Variants in RFX3 observed in about 807,000 individuals in gnomAD.
RFX3 encodes regulatory factor X3.
A neutral mutation model predicts 98.6 loss-of-function variants in RFX3; 14 were observed. The ratio of observed to expected loss-of-function variants is 0.14; its 90% CI spans 0.09 to 0.22. RFX3 has a LOEUF of 0.22. Ranked by LOEUF, RFX3 falls within the 10% of genes least tolerant of loss-of-function variation. RFX3 has a pLI of 1.00. For synonymous variants in RFX3, 383 were observed against 328.4 expected, an observed-to-expected ratio of 1.17 and a Z score of -1.80; for missense variants, 639 against 926.9, an observed-to-expected ratio of 0.69 and a Z score of 4.03.
chr9:3,397,166 TTACTC>T (rs1344936235), intron 1 of RFX3, among the ~76,000 whole-genome samples: 1 of 152,184 alleles, frequency 6.6e-6, no homozygotes, highest in Non-Finnish European at 1.5e-5. Context: ...CTGCCATTGT[TTACTC>T]TAACAGGTAT....
intron 2 of RFX3, among the ~76,000 whole-genome samples, chr9:3,375,784 C>T (rs1838401261): frequency 6.6e-6 from 1 of 152,004 alleles, no homozygotes; most frequent in South Asian, 2.1e-4. Flanking sequence ...CACGGTGAAA[C>T]CCCGCCTCTA....
intron 2 of RFX3, among the ~76,000 whole-genome samples, chr9:3,392,961 A>T (rs1344312528): frequency 6.7e-6 from 1 of 149,360 alleles, no homozygotes; most frequent in African/African-American, 2.5e-5. Context: ...TTAAAATATA[A>T]CTTATAGGTT....
chr9:3,253,342 T>C (rs905658708), intron 14 of RFX3, among the ~76,000 whole-genome samples: 1 of 152,204 alleles, frequency 6.6e-6, no homozygotes, highest in Non-Finnish European at 1.5e-5. Flanking sequence ...TTTTGGAAGA[T>C]TCATATATTG....
intron 1 of RFX3, among the ~76,000 whole-genome samples, chr9:3,435,832 C>T (rs1229366414): frequency 8.0e-6 from 1 of 124,962 alleles, no homozygotes; most frequent in South Asian, 2.5e-4. Flanking sequence ...AAAAGGATAA[C>T]ACTGCCTTTT....
chr9:3,291,698 T>C (rs1276660414), intron 6 of RFX3, among the ~76,000 whole-genome samples: 1 of 152,188 alleles, frequency 6.6e-6, no homozygotes, highest in East Asian at 1.9e-4. Context: ...CTTGTGGTGG[T>C]GAGAAAAAGA....
At chr9:3,230,571 C>T (rs958390342) in intron 15 of RFX3, among the ~76,000 whole-genome samples, 17 of 152,128 alleles carry the variant, frequency 1.1e-4, no homozygotes, top group African/African-American at 4.1e-4. Flanking sequence ...AACAAAAACC[C>T]AGAGGGATTC....
intron 16 of RFX3, among the ~76,000 whole-genome samples, chr9:3,227,051 T>A (rs1432905277): frequency 2.0e-5 from 3 of 152,082 alleles, no homozygotes; most frequent in Admixed American, 6.6e-5. Flanking sequence ...TCAAGAGCCA[T>A]CAAGAGGTCT....
At chr9:3,342,569 A>G (rs1357278554) in intron 3 of RFX3, among the ~76,000 whole-genome samples, 2 of 152,190 alleles carry the variant, frequency 1.3e-5, no homozygotes, top group African/African-American at 2.4e-5. Flanking sequence ...ACCATAATAC[A>G]GCATGATGTC....
intron 1 of RFX3, among the ~76,000 whole-genome samples, chr9:3,410,084 T>C (rs1297312573): frequency 1.3e-5 from 2 of 151,872 alleles, no homozygotes; most frequent in Non-Finnish European, 2.9e-5. Flanking sequence ...GAGCTTCTCT[T>C]AGACGTTTCC....
chr9:3,277,066 C>T (rs990347515), intron 8 of RFX3, among the ~76,000 whole-genome samples: 2 of 151,858 alleles, frequency 1.3e-5, no homozygotes, highest in Non-Finnish European at 2.9e-5. Flanking sequence ...TCACAAAAGC[C>T]GAATAATACA....
At chr9:3,289,820 T>C (rs1827107208) in intron 6 of RFX3, among the ~76,000 whole-genome samples, 1 of 152,134 alleles carries the variant, frequency 6.6e-6, no homozygotes, top group Non-Finnish European at 1.5e-5. Flanking sequence ...AGTGATTTGA[T>C]TTACTTTTTG....
chr9:3,348,318 C>G (rs1285630542), intron 2 of RFX3, among the ~76,000 whole-genome samples: 1 of 152,064 alleles, frequency 6.6e-6, no homozygotes, highest in Non-Finnish European at 1.5e-5. Context: ...TATCAGTTGA[C>G]ATATAACAAC....
chr9:3,363,804 A>G (rs1836745351), intron 2 of RFX3, among the ~76,000 whole-genome samples: 1 of 152,218 alleles, frequency 6.6e-6, no homozygotes, highest in South Asian at 2.1e-4. Context: ...GTGTTTCCCC[A>G]AATATGGGAA....
At chr9:3,482,351 G>A (rs1201806490) in intron 1 of RFX3, among the ~76,000 whole-genome samples, 4 of 151,986 alleles carry the variant, frequency 2.6e-5, no homozygotes, top group African/African-American at 7.2e-5. Flanking sequence ...ATGCACTCAC[G>A]GAGAAATCCC....
intron 6 of RFX3, among the ~76,000 whole-genome samples, chr9:3,292,095 A>AAAAAAAAAAAAC (rs1827454662): frequency 7.1e-6 from 1 of 141,008 alleles, no homozygotes; most frequent in African/African-American, 2.6e-5. Context: ...AAAAAAAAAA[A>AAAAAAAAAAAAC]AAAAACTCTT....
chr9:3,423,590 TAG>T (rs1164711533), intron 1 of RFX3, among the ~76,000 whole-genome samples: 3 of 151,882 alleles, frequency 2.0e-5, no homozygotes, highest in African/African-American at 4.8e-5. Context: ...AAATCTCATC[TAG>T]AGAGACAGAA....
At chr9:3,525,530 A>C (rs1173156614) in intron 1 of RFX3, among the ~76,000 whole-genome samples, 1 of 151,362 alleles carries the variant, frequency 6.6e-6, no homozygotes, top group African/African-American at 2.4e-5. Flanking sequence ...CGGCGCCCAC[A>C]CCCCCGACCC....
intron 1 of RFX3, chr9:3,421,029 A>AC (rs894533067): frequency 3.5e-6 from 2 of 577,352 alleles, no homozygotes; most frequent in African/African-American, 4.1e-5. Context: ...CAAAAAAAAA[A>AC]AAAAAAACAA....
chr9:3,276,276 G>A (rs991278959), intron 8 of RFX3, among the ~76,000 whole-genome samples: 1 of 152,056 alleles, frequency 6.6e-6, no homozygotes, highest in African/African-American at 2.4e-5. Context: ...CCTTCACACA[G>A]AATACAGGGA....
Sources: gnomAD v4.1 joint callset for allele counts (sites outside exome capture counted in the v4.1 genomes callset) on GRCh38, gnomAD v4.1.1 for gene constraint, MANE v1.5 for transcripts, NCBI Gene and HGNC (gene_info 2026-07-23, HGNC 2026-07-21) for gene names.